Variants in ATL1 observed in about 807,000 individuals in gnomAD.
ATL1 encodes the protein atlastin-1.
ATL1 carries 31 observed loss-of-function variants against 75.5 expected under a neutral mutation model. The ratio of observed to expected loss-of-function variants is 0.41; its 90% CI spans 0.31 to 0.55. The LOEUF (loss-of-function observed/expected upper bound fraction) is 0.55. Among genes scored for constraint, ATL1 ranks in the 20% least tolerant of loss-of-function variants. The probability of loss-of-function intolerance (pLI) is 0.27; values close to 1 mark genes in which losing one functional copy is unlikely to be tolerated. For synonymous variants in ATL1, 226 were observed against 233.3 expected, an observed-to-expected ratio of 0.97 and a Z score of 0.28; for missense variants, 405 against 662.6, an observed-to-expected ratio of 0.61 and a Z score of 4.27.
upstream of ATL1, among the ~76,000 whole-genome samples, chr14:50,556,713 T>G (rs931468840): frequency 3.3e-5 from 5 of 152,230 alleles, no homozygotes; most frequent in Non-Finnish European, 4.4e-5. Context: ...ATTTGCCTAT[T>G]CTATAAATTT....
intron 8 of ATL1, among the ~76,000 whole-genome samples, chr14:50,616,836 T>C (rs1011951350): frequency 2.0e-5 from 3 of 152,188 alleles, no homozygotes; most frequent in African/African-American, 7.2e-5. Flanking sequence ...ATATCGTACT[T>C]TGCCTCCGTG....
In ATL1 at chr14:50,613,314, C is replaced by G. The variant is rs1454376300; in HGVS notation, c.686C>G (p.Ala229Gly). Residue 229 changes from alanine to glycine, a missense_variant, in exon 7 of 14, where the codon GCC becomes GGC. Ala to Gly is a moderately conservative substitution (Grantham distance 60, BLOSUM62 0). Transcript: ENST00000358385. ...WSFPYEFSYG[A>G]DGGAKFLEKR... ...TTCCCATACGAATTTTCATATGGAG[C>G]CGATGGTGGTGCCAAATTCTTGGAA... 1.7e-5 allele frequency: 27 copies of G among 1,613,070 alleles called. No homozygotes were observed. Among genetic ancestry groups the G allele is most frequent in the East Asian group, 1.1e-4 (5 of 44,872 alleles).
chr14:50,568,874 A>G (rs1184167730), intron 1 of ATL1, among the ~76,000 whole-genome samples: 3 of 151,698 alleles, frequency 2.0e-5, no homozygotes, highest in African/African-American at 7.3e-5. Context: ...TACCATGGAG[A>G]TTACATTTAA....
chr14:50,547,502 C>T (rs1209221862), intron 1 of ATL1, among the ~76,000 whole-genome samples: 1 of 152,156 alleles, frequency 6.6e-6, no homozygotes, highest in East Asian at 1.9e-4. Flanking sequence ...GGTGCCTGTA[C>T]ACTTGCCCTA....
chr14:50,538,004 C>T (rs1465902725), intron 1 of ATL1, among the ~76,000 whole-genome samples: 7 of 152,148 alleles, frequency 4.6e-5, no homozygotes, highest in Admixed American at 4.6e-4. Context: ...AACGTGAGGA[C>T]ATGAGATTTG....
At chr14:50,586,774 T>C (rs1473724582) in intron 1 of ATL1, among the ~76,000 whole-genome samples, 1 of 152,154 alleles carries the variant, frequency 6.6e-6, no homozygotes, top group Non-Finnish European at 1.5e-5. Flanking sequence ...CTAATCCCAG[T>C]TTGGCAGTTA....
upstream of ATL1, among the ~76,000 whole-genome samples, chr14:50,556,379 C>A (rs1799586931): frequency 6.6e-6 from 1 of 151,944 alleles, no homozygotes; most frequent in Admixed American, 6.6e-5. Context: ...CTGCACCTGG[C>A]TAGTTTTTCT....
At chr14:50,584,805 G>A (rs781577251) in intron 1 of ATL1, among the ~76,000 whole-genome samples, 4 of 151,348 alleles carry the variant, frequency 2.6e-5, no homozygotes, top group Non-Finnish European at 4.4e-5. Flanking sequence ...TCTTAAACAT[G>A]GTATACAAAA....
At chr14:50,581,269 G>A (rs1283900114) in intron 1 of ATL1, among the ~76,000 whole-genome samples, 1 of 149,448 alleles carries the variant, frequency 6.7e-6, no homozygotes, top group African/African-American at 2.5e-5. Context: ...GCATTTCAAA[G>A]TTTAAGTTTC....
At chr14:50,538,301 T>A (rs2038518948) in intron 1 of ATL1, among the ~76,000 whole-genome samples, 1 of 152,224 alleles carries the variant, frequency 6.6e-6, no homozygotes, top group Non-Finnish European at 1.5e-5. Context: ...CACATAGAAC[T>A]GTAAATCCAA....
chr14:50,566,711 A>G (rs1174904053), intron 1 of ATL1, among the ~76,000 whole-genome samples: 2 of 152,154 alleles, frequency 1.3e-5, no homozygotes, highest in Admixed American at 6.5e-5. Flanking sequence ...TATTTTTTAT[A>G]TAAGTCCTTT....
chr14:50,539,789 A>G (rs1228404059), intron 1 of ATL1, among the ~76,000 whole-genome samples: 2 of 152,256 alleles, frequency 1.3e-5, no homozygotes, highest in Non-Finnish European at 2.9e-5. Context: ...TGACTTGAGC[A>G]TCTGGAAGTC....
chr14:50,555,645 A>G (rs1307500237), upstream of ATL1, among the ~76,000 whole-genome samples: 2 of 152,188 alleles, frequency 1.3e-5, no homozygotes, highest in South Asian at 2.1e-4. Context: ...AGATTATTTC[A>G]TAAGACCAAA....
At position 50,622,952 on chromosome 14, in the gene ATL1, C is replaced by T. The variant is rs190152667; in HGVS notation, c.1048-225C>T. On this transcript the variant is annotated intron_variant, in intron 10 of 13. Coordinates refer to ENST00000358385, the MANE Select transcript of ATL1 (RefSeq NM_015915.5). The stretch of plus-strand genomic sequence containing the variant: ...AGGAAAACTCTTCCAAATGAAAATT[C>T]ATTTTAGAAGTATTGTGTATTGAGT... Among the ~76,000 whole-genome samples, 40 of 152,192 alleles carry T rather than the reference C, an allele frequency of 2.6e-4. 1 individual carries two copies. Among genetic ancestry groups the T allele is most frequent in the Admixed American group, 2.3e-3 (35 of 15,300 alleles).
At chr14:50,540,975 T>C (rs557195104) in intron 1 of ATL1, among the ~76,000 whole-genome samples, 1 of 152,372 alleles carries the variant, frequency 6.6e-6, no homozygotes, top group South Asian at 2.1e-4. Flanking sequence ...GAATGTGGAT[T>C]ATTAAAAATT....
rs189113632 is a variant in ATL1, at chr14:50,545,994, G to T, written c.-140+12627G>T. On this transcript the variant is annotated intron_variant, in intron 1 of 13. Transcript: ENST00000441560. ...CTTTTCTGCCTGCTTTGAATCTGTT[G>T]TTATTAAACTACTGGTGTTGAAATC... Among the ~76,000 whole-genome samples the T allele has an allele frequency of 5.8e-3, 883 of 152,238 alleles. 6 individuals carry two copies. Among genetic ancestry groups the T allele is most frequent in the Non-Finnish European group, 8.8e-3 (599 of 68,024 alleles).
At chr14:50,563,902 G>A (rs1323030950) in intron 1 of ATL1, among the ~76,000 whole-genome samples, 1 of 152,090 alleles carries the variant, frequency 6.6e-6, no homozygotes. Flanking sequence ...ATGTATAAGA[G>A]ATCTGAGATT....
chr14:50,581,611 A>C (rs1252472514), intron 1 of ATL1, among the ~76,000 whole-genome samples: 1 of 152,156 alleles, frequency 6.6e-6, no homozygotes, highest in Non-Finnish European at 1.5e-5. Flanking sequence ...TAATTTCCAA[A>C]CATTTAGAGA....
intron 1 of ATL1, among the ~76,000 whole-genome samples, chr14:50,581,540 A>C (rs1223059590): frequency 6.6e-6 from 1 of 152,096 alleles, no homozygotes; most frequent in Non-Finnish European, 1.5e-5. Flanking sequence ...TTAGTTCACA[A>C]TATTTTCTAG....
Sources: allele counts gnomAD v4.1 joint callset (sites outside exome capture counted in the v4.1 genomes callset), GRCh38; gene constraint gnomAD v4.1.1; transcripts MANE v1.5; gene names NCBI Gene and HGNC (gene_info 2026-07-23, HGNC 2026-07-21).